The following ITGA11 variants were observed in gnomAD, a reference collection of about 807,000 sequenced individuals.
ITGA11 encodes integrin subunit alpha 11.
In ITGA11, 97 loss-of-function variants were observed where a neutral mutation model predicts 141.9. The observed-to-expected ratio is 0.68, with a 90% CI of 0.58 to 0.81. The LOEUF (loss-of-function observed/expected upper bound fraction) is 0.81, where lower values mean the gene tolerates loss of function less well. ITGA11 is among the 30% of genes least tolerant of loss of function. ITGA11 has a pLI of 0.00. For synonymous variants in ITGA11, 658 were observed against 624.6 expected (o/e 1.05, Z -0.80); for missense variants, 1,387 against 1,559.2 (o/e 0.89, Z 1.86).
At chr15:68,365,230 A>ACTCTTTCTGTGCCCAC (rs1895380988) in intron 3 of ITGA11, 2 of 984,958 alleles carry the variant, frequency 2.0e-6, no homozygotes, top group African/African-American at 3.5e-5. Context: ...CCTGTGCCCA[A>ACTCTTTCTGTGCCCAC]CTCTTTCTGT....
At chr15:68,354,740 C>T (rs1377613039) in intron 7 of ITGA11, among the ~76,000 whole-genome samples, 3 of 152,150 alleles carry the variant, frequency 2.0e-5, no homozygotes, top group Admixed American at 6.5e-5. Flanking sequence ...TCATCCTCAC[C>T]GAGTTAGGGT....
At chr15:68,311,982 C>T (rs1034743458) in intron 24 of ITGA11, among the ~76,000 whole-genome samples, 2 of 152,172 alleles carry the variant, frequency 1.3e-5, no homozygotes, top group African/African-American at 2.4e-5. Flanking sequence ...CTTACTAGGC[C>T]TCTCTTGAAC....
Position 68,361,594 on chromosome 15 carries a change from G to T in ITGA11, c.468C>A (p.Leu156=). ...TGCAGATTTGAAGCCACTTACTTTG[G>T]AGAGCTGGGGCCACGGTCTTGGAGA... is the stretch of plus-strand genomic sequence containing the variant. ...FRFSKTVAPA[L]QRCQTYMDIV... is the part of the protein sequence containing the mutation. Residue 156 remains leucine (L), a synonymous_variant, in exon 5 of 30, where the codon CTC becomes CTA. Transcript: ENST00000315757. 6.3e-7 allele frequency: 1 copy of T among 1,599,598 alleles called. No individual in the cohort carries two copies. Among genetic ancestry groups the T allele is most frequent in the South Asian group, 1.1e-5 (1 of 88,216 alleles).
rs967021584 is a variant in ITGA11 at position 68,325,003 on chromosome 15, G to A, written c.2322+128C>T. 30 of 711,466 alleles carry A rather than the reference G, an allele frequency of 4.2e-5. No homozygotes were observed. The highest frequency in any genetic ancestry group is 8.6e-5 in the African/African-American group (5 of 57,822). 44.1% of individuals were successfully genotyped at this position (711,466 alleles called of 1,614,324 possible). A position where few individuals can be genotyped will look rare whatever the true frequency, so the allele number is the denominator to read the frequency against. Reference sequence around the variant, plus strand: ...CCACACTGTGGGTTTGCCAGGACAGGAGGTGGGAAGGTGAGATGAGGGATG... The same window carrying A: ...CCACACTGTGGGTTTGCCAGGACAGAAGGTGGGAAGGTGAGATGAGGGATG... On this transcript the variant is annotated intron_variant, in intron 18 of 29. Transcript: ENST00000315757. This position sits in a 1 kb window ranked among gnomAD's most constrained non-coding sequence, Gnocchi z 5.5.
chr15:68,332,224 C>A, intron 13 of ITGA11, 114 bp downstream of exon 13: 1 of 1,352,126 alleles, frequency 7.4e-7, no homozygotes. Context: ...CTGATTCTCC[C>A]CAGGCCTGGC....
At chr15:68,421,889 G>A (rs990010156) in intron 1 of ITGA11, among the ~76,000 whole-genome samples, 3 of 152,198 alleles carry the variant, frequency 2.0e-5, no homozygotes, top group African/African-American at 4.8e-5. Flanking sequence ...TGTTCAGGAC[G>A]ATGGTAGGGG....
chr15:68,349,658 C>G (rs1349635392), intron 9 of ITGA11, among the ~76,000 whole-genome samples: 1 of 152,152 alleles, frequency 6.6e-6, no homozygotes, highest in Non-Finnish European at 1.5e-5. Flanking sequence ...CCTTCTATTT[C>G]CTTTTATAAT....
chr15:68,338,214 C>G (rs1039633426), intron 11 of ITGA11, among the ~76,000 whole-genome samples: 1 of 152,240 alleles, frequency 6.6e-6, no homozygotes, highest in South Asian at 2.1e-4. Context: ...GGGTTGCTAG[C>G]CTTTGTTCTT....
chr15:68,414,871 C>T (rs912309797), intron 1 of ITGA11, among the ~76,000 whole-genome samples: 4 of 152,224 alleles, frequency 2.6e-5, no homozygotes, highest in Non-Finnish European at 5.9e-5. Context: ...CCCAGCCGGG[C>T]CTGCCCTGCT....
At chr15:68,400,517 T>C (rs1409165357) in intron 2 of ITGA11, among the ~76,000 whole-genome samples, 3 of 130,918 alleles carry the variant, frequency 2.3e-5, no homozygotes. Flanking sequence ...GCAATGCTTC[T>C]ATGTCACAAA....
At chr15:68,338,712 A>G (rs1458603956) in intron 11 of ITGA11, among the ~76,000 whole-genome samples, 1 of 152,266 alleles carries the variant, frequency 6.6e-6, no homozygotes, top group African/African-American at 2.4e-5. Flanking sequence ...AGATGGACGC[A>G]TGGACAGATT....
chr15:68,392,281 C>A (rs1036715733), intron 2 of ITGA11, among the ~76,000 whole-genome samples: 4 of 152,170 alleles, frequency 2.6e-5, no homozygotes, highest in African/African-American at 9.7e-5. Flanking sequence ...GTAAACAGCA[C>A]AAAATATCTA....
intron 2 of ITGA11, among the ~76,000 whole-genome samples, chr15:68,375,300 T>A (rs1404789305): frequency 6.6e-6 from 1 of 152,230 alleles, no homozygotes; most frequent in African/African-American, 2.4e-5. Flanking sequence ...GGGAGGGGTT[T>A]CACTGGAGGA....
intron 2 of ITGA11, among the ~76,000 whole-genome samples, chr15:68,382,447 CA>C (rs1164291135): frequency 6.6e-6 from 1 of 152,234 alleles, no homozygotes; most frequent in Admixed American, 6.5e-5. Context: ...TTCTCCCATC[CA>C]GGGGCCATGG....
At chr15:68,379,368 C>T (rs1197549042) in intron 2 of ITGA11, among the ~76,000 whole-genome samples, 2 of 152,120 alleles carry the variant, frequency 1.3e-5, no homozygotes, top group Non-Finnish European at 2.9e-5. Flanking sequence ...AGATAATTTG[C>T]CTGTAGATAG....
At position 68,304,325 on chromosome 15, in the gene ITGA11, A is replaced by G. The variant is rs1893122761; in HGVS notation, c.3382-440T>C. 6.6e-6 allele frequency among the ~76,000 whole-genome samples: 1 copy of G among 152,216 alleles called. No individual in the cohort carries two copies. The highest frequency in any genetic ancestry group is 1.5e-5 in the Non-Finnish European group (1 of 68,046). The stretch of plus-strand genomic sequence containing the variant: ...GACTTTCCCACGAGTCACAGTAGTC[A>G]TGGTGCCAAGGCCCATAACACTTTT... On this transcript the variant is annotated intron_variant, in intron 28 of 29. Coordinates refer to ENST00000315757, the MANE Select transcript of ITGA11 (RefSeq NM_001004439.2). The surrounding 1 kb of genome is among the most constrained non-coding windows in gnomAD (Gnocchi z 6.1).
intron 1 of ITGA11, among the ~76,000 whole-genome samples, chr15:68,404,942 A>G (rs1896607411): frequency 1.3e-5 from 2 of 152,198 alleles, no homozygotes; most frequent in South Asian, 4.1e-4. Flanking sequence ...CAAGCAGCAA[A>G]GGGAAAACAG....
intron 1 of ITGA11, among the ~76,000 whole-genome samples, chr15:68,428,648 C>A (rs2140446691): frequency 6.6e-6 from 1 of 152,316 alleles, no homozygotes; most frequent in Non-Finnish European, 1.5e-5. Flanking sequence ...CTGCTCTCCA[C>A]TGGGAAGGAG....
Position 68,335,953 on chromosome 15 carries a change from G to T in ITGA11, c.1277-108C>A. 7.7e-7 allele frequency: 1 copy of T among 1,297,136 alleles called. No individual in the cohort carries two copies. Among genetic ancestry groups the T allele is most frequent in the Non-Finnish European group, 1.1e-6 (1 of 936,340 alleles). The allele number at this position is 1,297,136 out of a possible 1,614,324, so 80.4% of individuals were successfully genotyped here. On this transcript the variant is annotated intron_variant, in intron 11 of 29. Coordinates refer to ENST00000315757, the MANE Select transcript of ITGA11 (RefSeq NM_001004439.2). The surrounding 1 kb of genome is among the most constrained non-coding windows in gnomAD (Gnocchi z 4.9). Reference sequence around the variant, plus strand: ...CAGAGGATGGGCCAGTGATGGGGTAGGTTCAGGGCTAGCTGAGCAGATTCA... The same window carrying T: ...CAGAGGATGGGCCAGTGATGGGGTATGTTCAGGGCTAGCTGAGCAGATTCA...
Sources: allele counts gnomAD v4.1 joint callset (sites outside exome capture counted in the v4.1 genomes callset), GRCh38; gene constraint gnomAD v4.1.1; non-coding constraint Gnocchi (gnomAD v3.1); transcripts MANE v1.5; gene names NCBI Gene and HGNC (gene_info 2026-07-23, HGNC 2026-07-21).